MTMR3: variants seen among roughly 807,000 people sequenced by gnomAD.
The protein encoded by MTMR3 is phosphatidylinositol-3,5-bisphosphate 3-phosphatase MTMR3.
In MTMR3, 32 loss-of-function variants were observed where a neutral mutation model predicts 132.4. The ratio of observed to expected loss-of-function variants is 0.24; its 90% confidence interval spans 0.18 to 0.32. The LOEUF is 0.32. Ranked by LOEUF, MTMR3 falls within the 10% of genes least tolerant of loss-of-function variation. The pLI is 1.00. For synonymous variants in MTMR3, 556 were observed against 550.3 expected, an observed-to-expected ratio of 1.01 and a Z score of -0.14; for missense variants, 1,216 against 1,489.6, an observed-to-expected ratio of 0.82 and a Z score of 3.02.
At chr22:29,992,885 C>CT (rs1173791502) in intron 7 of MTMR3, 2 of 152,194 alleles carry the variant, frequency 1.3e-5, no homozygotes, top group African/African-American at 4.8e-5. Context: ...TTGATAAATA[C>CT]TTTTGTTTGA....
At chr22:29,902,915 C>T (rs1404743452) in intron 1 of MTMR3, among the ~76,000 whole-genome samples, 1 of 152,042 alleles carries the variant, frequency 6.6e-6, no homozygotes, top group Non-Finnish European at 1.5e-5. Flanking sequence ...TAGATGAGAC[C>T]TTTTTACCTT....
chr22:29,940,094 C>T (rs1412458299), intron 1 of MTMR3, among the ~76,000 whole-genome samples: 1 of 152,092 alleles, frequency 6.6e-6, no homozygotes, highest in African/African-American at 2.4e-5. Flanking sequence ...AGTGAAACCC[C>T]GTCTCTGCTA....
chr22:29,998,823 G>A lies in MTMR3; in HGVS notation c.523G>A (p.Ala175Thr), dbSNP rs751496628. The A allele has an allele frequency of 5.6e-6, 9 of 1,611,442 alleles. No individual in the cohort carries two copies. The African/African-American group carries it at 6.7e-5, about 12-fold the overall frequency. Residue 175 changes from alanine to threonine, a missense_variant, in exon 8 of 20, where the codon GCC becomes ACC. Around this residue, in one of 7 missense-constraint regions of MTMR3, gnomAD observed 129 missense variants for 245.7 expected, o/e 0.53. Coordinates refer to ENST00000401950, the MANE Select transcript of MTMR3 (RefSeq NM_021090.4). ...GAGGATGGGTTTTGATATGAACAAC[G>A]CCTGGAGGATTTCCAACATCAATGA... is the stretch of plus-strand genomic sequence containing the variant. The part of the protein sequence containing the change: ...VERMGFDMNN[A>T]WRISNINEKY...
intron 8 of MTMR3, 42 bp downstream of exon 8, chr22:29,998,899 C>A: frequency 7.2e-7 from 1 of 1,387,350 alleles, no homozygotes; most frequent in South Asian, 1.4e-5. Context: ...ACAGCCAGTG[C>A]CTTTGCAGAA....
intron 1 of MTMR3, among the ~76,000 whole-genome samples, chr22:29,908,702 A>G (rs1018158981): frequency 1.1e-4 from 16 of 152,246 alleles, no homozygotes; most frequent in African/African-American, 3.6e-4. Flanking sequence ...TTTTTCAGAG[A>G]TAAGACTAAG....
At chr22:30,003,146 T>A in intron 9 of MTMR3, 153 bp downstream of exon 9, 1 of 594,996 alleles carries the variant, frequency 1.7e-6, no homozygotes, top group Non-Finnish European at 3.0e-6. Context: ...AAGCTTCTCC[T>A]CCAGTAACAC....
At position 29,954,987 on chromosome 22, in the gene MTMR3, GGTT is replaced by G. The variant is rs1442385056; in HGVS notation, c.-137-2039_-137-2037del. ...CTTCCTTTTTTTCCATTATTTTGTT[GGTT>G]GTTGTTGTTCTTGTGACAATCTAGG... is the stretch of plus-strand genomic sequence containing the variant. On this transcript the variant is annotated intron_variant, in intron 1 of 19. Coordinates refer to ENST00000401950, the MANE Select transcript of MTMR3 (RefSeq NM_021090.4). 5.3e-5 allele frequency among the ~76,000 whole-genome samples: 8 copies of G among 151,902 alleles called. 1 individual carries two copies. Among genetic ancestry groups the G allele is most frequent in the Admixed American group, 5.2e-4 (8 of 15,254 alleles).
chr22:29,972,318 C>T (rs940324758), intron 3 of MTMR3, among the ~76,000 whole-genome samples: 4 of 152,130 alleles, frequency 2.6e-5, no homozygotes, highest in Non-Finnish European at 5.9e-5. Context: ...GTATACCACA[C>T]GGCTAGTAAC....
rs1231704746 is a variant in MTMR3 at position 30,030,257 on chromosome 22, G to T, written c.*4456G>T. The T allele has an allele frequency of 2.0e-5, 3 of 152,186 alleles. No individual in the cohort carries two copies. Among genetic ancestry groups the T allele is most frequent in the Non-Finnish European group, 4.4e-5 (3 of 68,020 alleles). The allele number at this position is 152,186 out of a possible 1,614,324, so 9.4% of individuals were successfully genotyped here. ...AGTTTTTCTTACAGTGCTCATAGCAGTTGTATTTGAATTGTATTTTCAGTG... is the reference window on the plus strand; with the variant it reads ...AGTTTTTCTTACAGTGCTCATAGCATTTGTATTTGAATTGTATTTTCAGTG... On this transcript the variant is annotated 3_prime_UTR_variant, in exon 20 of 20. Transcript: ENST00000401950.
At chr22:29,942,693 C>T (rs535379518) in intron 1 of MTMR3, among the ~76,000 whole-genome samples, 33 of 152,300 alleles carry the variant, frequency 2.2e-4, no homozygotes, top group East Asian at 5.8e-4. Context: ...AAGAATTCAG[C>T]GATATTTCTC....
rs150729554 is a variant in MTMR3 at position 29,958,071 on chromosome 22, C to T, written c.-85+983C>T. On this transcript the variant is annotated intron_variant, in intron 2 of 19. Transcript: ENST00000401950. Reference sequence around the variant, plus strand: ...ACAGGGGGTCTTGGAACATATTCCCCGAGGATAAGGCAGGGGATTACTGTA... The same window carrying T: ...ACAGGGGGTCTTGGAACATATTCCCTGAGGATAAGGCAGGGGATTACTGTA... 1.4e-4 allele frequency among the ~76,000 whole-genome samples: 22 copies of T among 151,726 alleles called. No individual in the cohort carries two copies. The East Asian group carries it at 2.4e-3, about 16-fold the overall frequency.
At chr22:29,959,759 ATTTTTTT>A (rs35031180) in intron 2 of MTMR3, among the ~76,000 whole-genome samples, 3 of 133,916 alleles carry the variant, frequency 2.2e-5, no homozygotes, top group Non-Finnish European at 1.6e-5. Flanking sequence ...AAAAGTGTTA[ATTTTTTT>A]TTTTTTTTTT....
chr22:30,010,727 A>T (rs1315885032), intron 12 of MTMR3: 2 of 152,222 alleles, frequency 1.3e-5, no homozygotes, highest in African/African-American at 4.8e-5. Context: ...CCATTTCTTC[A>T]GGTGCTAGGA....
intron 4 of MTMR3, 119 bp downstream of exon 4, chr22:29,978,650 A>G: frequency 1.3e-6 from 1 of 748,978 alleles, no homozygotes. Context: ...ATGTAGTAGA[A>G]ATGCAAGCTG....
intron 1 of MTMR3, among the ~76,000 whole-genome samples, chr22:29,948,216 C>T (rs575246687): frequency 2.0e-5 from 3 of 152,288 alleles, no homozygotes; most frequent in Admixed American, 2.0e-4. Context: ...CAAATCTGTT[C>T]CTTTTCATTG....
chr22:29,904,833 TG>T (rs2065066672), intron 1 of MTMR3, among the ~76,000 whole-genome samples: 1 of 152,026 alleles, frequency 6.6e-6, no homozygotes, highest in African/African-American at 2.4e-5. Flanking sequence ...TGTGTGTGTG[TG>T]TGTGTGTCTT....
At chr22:29,927,591 G>A (rs1052083934) in intron 1 of MTMR3, among the ~76,000 whole-genome samples, 2 of 151,830 alleles carry the variant, frequency 1.3e-5, no homozygotes, top group Non-Finnish European at 2.9e-5. Flanking sequence ...TGTTTAGCCG[G>A]TACTTCTGTT....
chr22:29,884,626 G>C (rs553021053), intron 1 of MTMR3, among the ~76,000 whole-genome samples: 6 of 133,596 alleles, frequency 4.5e-5, no homozygotes, highest in African/African-American at 1.7e-4. Context: ...GCAGTAGTGC[G>C]ATCTCTGCTC....
intron 1 of MTMR3, among the ~76,000 whole-genome samples, chr22:29,909,183 A>T (rs1455877439): frequency 6.6e-6 from 1 of 152,056 alleles, no homozygotes; most frequent in Non-Finnish European, 1.5e-5. Context: ...ACTAGTCTCA[A>T]ACTCCTGGGC....
Sources: allele counts gnomAD v4.1 joint callset (sites outside exome capture counted in the v4.1 genomes callset), GRCh38; gene constraint gnomAD v4.1.1; regional missense constraint gnomAD v4.1.1; transcripts MANE v1.5; gene names NCBI Gene and HGNC (gene_info 2026-07-23, HGNC 2026-07-21).